LRCH3: variants seen among roughly 807,000 people sequenced by gnomAD.
LRCH3 encodes the protein DISP complex protein LRCH3.
A neutral mutation model predicts 104.5 loss-of-function variants in LRCH3; 68 were observed. The ratio of observed to expected loss-of-function variants is 0.65; its 90% confidence interval spans 0.54 to 0.80. LRCH3 has a LOEUF of 0.80. Among genes scored for constraint, LRCH3 ranks in the 30% least tolerant of loss-of-function variants. LRCH3 has a pLI of 0.00. For missense variants in LRCH3, 951 were observed against 953.9 expected (o/e 1.00, Z 0.04); for synonymous variants, 344 against 361.3 (o/e 0.95, Z 0.54).
chr3:197,839,290 T>A (rs1216473516), intron 9 of LRCH3, 31 bp from the exon 10 acceptor site: 1 of 1,478,994 alleles, frequency 6.8e-7, no homozygotes, highest in Non-Finnish European at 9.3e-7. Flanking sequence ...ATTAATATAC[T>A]AAATTTATTT....
At chr3:197,879,471 C>T (rs906646261) in intron 20 of LRCH3, among the ~76,000 whole-genome samples, 2 of 151,000 alleles carry the variant, frequency 1.3e-5, no homozygotes, top group African/African-American at 2.5e-5. Context: ...ATGGTGAAAC[C>T]CCGTCTCTAC....
intron 20 of LRCH3, chr3:197,882,229 G>T (rs1713835599): frequency 1.0e-6 from 1 of 985,280 alleles, no homozygotes; most frequent in Admixed American, 6.2e-5. Flanking sequence ...CTGCTGAGAG[G>T]AAGAGACCAG....
intron 4 of LRCH3, 37 bp downstream of exon 4, chr3:197,820,467 G>A (rs1560539857): frequency 1.5e-6 from 2 of 1,332,256 alleles, no homozygotes; most frequent in Non-Finnish European, 2.1e-6. Context: ...TGAAATAATT[G>A]TTTTATTATT....
At chr3:197,825,851 A>G (rs1677260524) in intron 4 of LRCH3, among the ~76,000 whole-genome samples, 1 of 152,110 alleles carries the variant, frequency 6.6e-6, no homozygotes, top group Non-Finnish European at 1.5e-5. Flanking sequence ...AGTTCCAACC[A>G]TTCTTATGAA....
At chr3:197,817,360 G>GTATATATATATATATATATT (rs58866690) in intron 3 of LRCH3, 58 bp downstream of exon 3, 3 of 70,058 alleles carry the variant, frequency 4.3e-5, no homozygotes, top group African/African-American at 2.7e-4. Context: ...GTGTGTGTGT[G>GTATATATATATATATATATT]TATATATATA....
chr3:197,864,554 G>A (rs1741238772), intron 15 of LRCH3, among the ~76,000 whole-genome samples: 1 of 148,170 alleles, frequency 6.7e-6, no homozygotes, highest in Admixed American at 6.7e-5. Flanking sequence ...AGGTTGTGGT[G>A]AGCTGAGATC....
Position 197,871,577 on chromosome 3 carries a change from A to G in LRCH3, c.2130+115A>G, listed in dbSNP as rs747310919. 5 of 1,377,038 alleles carry G rather than the reference A, an allele frequency of 3.6e-6. No individual in the cohort carries two copies. In the East Asian group the frequency reaches 1.2e-4, roughly 32 times the overall value. The allele number at this position is 1,377,038 out of a possible 1,614,324, so 85.3% of individuals were successfully genotyped here. A position where few individuals can be genotyped will look rare whatever the true frequency, so the allele number is the denominator to read the frequency against. On this transcript the variant is annotated intron_variant, in intron 19 of 20. Coordinates refer to ENST00000425562, the MANE Select transcript of LRCH3 (RefSeq NM_001365715.1). ...TTAAGGATACAGATATAAAGAGTCCAGTCTCTACCTTCCTGGTCTCACTTC... is the reference window on the plus strand; with the variant it reads ...TTAAGGATACAGATATAAAGAGTCCGGTCTCTACCTTCCTGGTCTCACTTC...
At chr3:197,846,388 AAAAAAAAAAAAAC>A (rs1482124745) in intron 10 of LRCH3, among the ~76,000 whole-genome samples, 2 of 149,232 alleles carry the variant, frequency 1.3e-5, no homozygotes, top group African/African-American at 5.0e-5. Flanking sequence ...TGGGCCACAA[AAAAAAAAAAAAAC>A]AAAAAAAAAA....
intron 1 of LRCH3, among the ~76,000 whole-genome samples, chr3:197,800,161 A>G (rs1731713718): frequency 6.6e-6 from 1 of 151,782 alleles, no homozygotes; most frequent in Admixed American, 6.6e-5. Context: ...TCGCACCACT[A>G]TACTCCACTC....
At chr3:197,807,601 T>G (rs575141651) in intron 1 of LRCH3, among the ~76,000 whole-genome samples, 2 of 152,324 alleles carry the variant, frequency 1.3e-5, no homozygotes, top group South Asian at 4.1e-4. Context: ...GTATTTCATA[T>G]CATTGTTGAT....
At chr3:197,882,391 T>C (rs777683483) in intron 20 of LRCH3, 35 of 980,342 alleles carry the variant, frequency 3.6e-5, no homozygotes, top group Non-Finnish European at 4.0e-5. Context: ...GTTACCTCAT[T>C]TTATCAAAAT....
At chr3:197,830,891 A>C in intron 7 of LRCH3, 28 bp downstream of exon 7, 1 of 1,485,436 alleles carries the variant, frequency 6.7e-7, no homozygotes, top group Middle Eastern at 1.7e-4. Flanking sequence ...TCCGTGTGTT[A>C]TAACACCTGA....
At chr3:197,816,639 A>AAAT (rs1158233531) in intron 2 of LRCH3, among the ~76,000 whole-genome samples, 1 of 152,194 alleles carries the variant, frequency 6.6e-6, no homozygotes, top group Non-Finnish European at 1.5e-5. Context: ...GTATAAATAA[A>AAAT]AATTCTTTAC....
At chr3:197,860,834 G>A (rs1357296598) in intron 15 of LRCH3, among the ~76,000 whole-genome samples, 1 of 151,960 alleles carries the variant, frequency 6.6e-6, no homozygotes, top group Non-Finnish European at 1.5e-5. Context: ...TCAAATGCTG[G>A]ATCTTATTCT....
At chr3:197,861,114 A>G (rs576817082) in intron 15 of LRCH3, among the ~76,000 whole-genome samples, 52 of 152,044 alleles carry the variant, frequency 3.4e-4, no homozygotes, top group Non-Finnish European at 7.1e-4. Flanking sequence ...CTGGGATTAC[A>G]GGTGCCCACC....
At chr3:197,817,360 G>GTGTGTGTGTGTGTATATATATATATA in intron 3 of LRCH3, 58 bp downstream of exon 3, 1 of 70,050 alleles carries the variant, frequency 1.4e-5, no homozygotes, top group African/African-American at 8.9e-5. Flanking sequence ...GTGTGTGTGT[G>GTGTGTGTGTGTGTATATATATATATA]TATATATATA....
chr3:197,844,576 A>G (rs1738320554), intron 10 of LRCH3, among the ~76,000 whole-genome samples: 1 of 151,682 alleles, frequency 6.6e-6, no homozygotes, highest in South Asian at 2.1e-4. Context: ...TGTTTGAAGA[A>G]GTATAGAGAG....
At chr3:197,800,817 C>T (rs1731798550) in intron 1 of LRCH3, among the ~76,000 whole-genome samples, 2 of 152,068 alleles carry the variant, frequency 1.3e-5, no homozygotes, top group Admixed American at 1.3e-4. Flanking sequence ...ATGAGCTGGC[C>T]AAGTGCGGTG....
intron 7 of LRCH3, among the ~76,000 whole-genome samples, chr3:197,831,636 G>A (rs1005498537): frequency 6.6e-6 from 1 of 151,816 alleles, no homozygotes; most frequent in Non-Finnish European, 1.5e-5. Flanking sequence ...ATAATTTATG[G>A]AGTCATGAAT....
Sources: gnomAD v4.1 joint callset for allele counts (sites outside exome capture counted in the v4.1 genomes callset) on GRCh38, gnomAD v4.1.1 for gene constraint, MANE v1.5 for transcripts, NCBI Gene and HGNC (gene_info 2026-07-23, HGNC 2026-07-21) for gene names.